Variants in CHST11 observed in about 807,000 individuals in gnomAD.
The protein encoded by CHST11 is C4S-1.
Under a neutral mutation model 30.4 loss-of-function variants are expected in CHST11, and 9 were observed. The observed-to-expected ratio is 0.30, with a 90% CI of 0.18 to 0.52. The LOEUF (loss-of-function observed/expected upper bound fraction) is 0.52, where lower values mean the gene tolerates loss of function less well. Ranked by LOEUF, CHST11 falls within the 20% of genes least tolerant of loss-of-function variation. The pLI, the probability that CHST11 is intolerant of heterozygous loss-of-function variation, is 0.97. For missense variants in CHST11, 348 were observed against 460.6 expected (o/e 0.76, Z 2.24); for synonymous variants, 152 against 187.8 (o/e 0.81, Z 1.56).
At chr12:104,699,719 A>G (rs2039976221) in intron 2 of CHST11, among the ~76,000 whole-genome samples, 1 of 152,228 alleles carries the variant, frequency 6.6e-6, no homozygotes, top group Non-Finnish European at 1.5e-5. Flanking sequence ...TATCTGTAAT[A>G]TAAGCAGAGT....
intron 2 of CHST11, among the ~76,000 whole-genome samples, chr12:104,679,969 T>C (rs938863913): frequency 2.6e-5 from 4 of 152,172 alleles, no homozygotes; most frequent in Non-Finnish European, 5.9e-5. Flanking sequence ...ATCAGGGTTA[T>C]CTGCTGGACC....
At chr12:104,515,365 A>T (rs565831073) in intron 1 of CHST11, among the ~76,000 whole-genome samples, 6 of 152,290 alleles carry the variant, frequency 3.9e-5, no homozygotes, top group African/African-American at 1.4e-4. Context: ...CCAGCCCCTG[A>T]TGTAGGACAG....
At chr12:104,661,336 T>G (rs2039596291) in intron 2 of CHST11, among the ~76,000 whole-genome samples, 1 of 152,078 alleles carries the variant, frequency 6.6e-6, no homozygotes. Flanking sequence ...TCCACCTCCT[T>G]AAGCCCAGGA....
chr12:104,478,822 A>G (rs767708649), intron 1 of CHST11, among the ~76,000 whole-genome samples: 6 of 152,188 alleles, frequency 3.9e-5, no homozygotes, highest in Non-Finnish European at 8.8e-5. Context: ...CAAGAGCTTC[A>G]GGAGGTGACT....
chr12:104,460,298 A>C (rs1375167151), intron 1 of CHST11, among the ~76,000 whole-genome samples: 2 of 152,178 alleles, frequency 1.3e-5, no homozygotes, highest in East Asian at 3.8e-4. Flanking sequence ...GTGAAATAGA[A>C]AAATAGTATT....
chr12:104,558,190 G>A (rs2038475925), intron 1 of CHST11, among the ~76,000 whole-genome samples: 1 of 152,192 alleles, frequency 6.6e-6, no homozygotes, highest in South Asian at 2.1e-4. Context: ...AAAGGGAAGA[G>A]CTGACGCTGT....
At chr12:104,705,130 A>C (rs774380351) in intron 2 of CHST11, among the ~76,000 whole-genome samples, 4 of 152,180 alleles carry the variant, frequency 2.6e-5, no homozygotes, top group African/African-American at 9.7e-5. Flanking sequence ...TTCTTTAGGC[A>C]AAATGTGGAG....
At chr12:104,751,601 C>T (rs907938318) in intron 2 of CHST11, among the ~76,000 whole-genome samples, 10 of 152,198 alleles carry the variant, frequency 6.6e-5, no homozygotes, top group East Asian at 1.9e-4. Context: ...CCTATCCAGG[C>T]GTTCTTTTTC....
At chr12:104,582,711 C>T (rs187340143) in intron 1 of CHST11, among the ~76,000 whole-genome samples, 1 of 152,076 alleles carries the variant, frequency 6.6e-6, no homozygotes, top group African/African-American at 2.4e-5. Flanking sequence ...GCACTTGTTT[C>T]CTCATCTGTA....
intron 2 of CHST11, among the ~76,000 whole-genome samples, chr12:104,718,730 T>G (rs1234988115): frequency 6.6e-6 from 1 of 152,176 alleles, no homozygotes; most frequent in Non-Finnish European, 1.5e-5. Context: ...CCAGCCAGCC[T>G]GAAGACTGCA....
intron 1 of CHST11, among the ~76,000 whole-genome samples, chr12:104,468,001 T>C (rs1373844889): frequency 6.6e-6 from 1 of 152,204 alleles, no homozygotes; most frequent in Non-Finnish European, 1.5e-5. Flanking sequence ...TAAGCTCTGT[T>C]CTAGGTGTAG....
chr12:104,523,568 AC>A (rs980785477), intron 1 of CHST11, among the ~76,000 whole-genome samples: 20 of 152,206 alleles, frequency 1.3e-4, no homozygotes, highest in African/African-American at 4.8e-4. Flanking sequence ...AAGTCATTGA[AC>A]CTTAGAGAGT....
chr12:104,707,847 A>G (rs537086657), intron 2 of CHST11, among the ~76,000 whole-genome samples: 8 of 152,290 alleles, frequency 5.3e-5, no homozygotes, highest in African/African-American at 1.9e-4. Flanking sequence ...CATACATTCA[A>G]ACACACACAG....
intron 2 of CHST11, among the ~76,000 whole-genome samples, chr12:104,731,046 C>T (rs2040252924): frequency 6.6e-6 from 1 of 152,226 alleles, no homozygotes. Flanking sequence ...GCTCCACTTA[C>T]GAGCTGTCTT....
At chr12:104,589,843 C>G (rs757240166) in intron 1 of CHST11, among the ~76,000 whole-genome samples, 1 of 152,040 alleles carries the variant, frequency 6.6e-6, no homozygotes, top group Non-Finnish European at 1.5e-5. Flanking sequence ...AACCCCGTCT[C>G]TACGAAAATA....
At chr12:104,548,354 G>T (rs962866820) in intron 1 of CHST11, among the ~76,000 whole-genome samples, 2 of 152,164 alleles carry the variant, frequency 1.3e-5, no homozygotes, top group Non-Finnish European at 2.9e-5. Flanking sequence ...AATTTCCAGG[G>T]TGTAAATATT....
intron 2 of CHST11, among the ~76,000 whole-genome samples, chr12:104,754,312 G>A (rs2040458003): frequency 6.6e-6 from 1 of 152,166 alleles, no homozygotes; most frequent in Non-Finnish European, 1.5e-5. Context: ...CCAAAACTTA[G>A]TGGCTTAACA....
intron 2 of CHST11, among the ~76,000 whole-genome samples, chr12:104,661,560 C>T (rs1387572394): frequency 6.6e-6 from 1 of 152,146 alleles, no homozygotes; most frequent in African/African-American, 2.4e-5. Flanking sequence ...GCCTGGGCAA[C>T]AGAGTGCAGT....
chr12:104,718,737 T>C (rs183132523), intron 2 of CHST11, among the ~76,000 whole-genome samples: 2 of 152,324 alleles, frequency 1.3e-5, no homozygotes, highest in East Asian at 1.9e-4. Context: ...GCCTGAAGAC[T>C]GCAGCAAGCA....
Sources: allele counts gnomAD v4.1 joint callset (sites outside exome capture counted in the v4.1 genomes callset), GRCh38; gene constraint gnomAD v4.1.1; transcripts MANE v1.5; gene names NCBI Gene and HGNC (gene_info 2026-07-23, HGNC 2026-07-21).